The following USP24 variants were observed in gnomAD, a reference collection of about 807,000 sequenced individuals.
USP24 encodes ubiquitin carboxyl-terminal hydrolase 24.
A neutral mutation model predicts 361.6 loss-of-function variants in USP24; 97 were observed. The observed-to-expected ratio is 0.27, with a 90% CI of 0.23 to 0.32. The LOEUF (loss-of-function observed/expected upper bound fraction) is 0.32. USP24 is among the 10% of genes least tolerant of loss of function. USP24 has a pLI of 1.00. For missense variants in USP24, 2,353 were observed against 3,165.6 expected, an observed-to-expected ratio of 0.74 and a Z score of 6.16; for synonymous variants, 1,098 against 1,124.6, an observed-to-expected ratio of 0.98 and a Z score of 0.47.
intron 35 of USP24, among the ~76,000 whole-genome samples, chr1:55,123,969 T>C (rs1646354601): frequency 6.6e-6 from 1 of 152,218 alleles, no homozygotes; most frequent in Non-Finnish European, 1.5e-5. Context: ...TCATACACTT[T>C]ACTGTCTGCA....
Position 55,129,587 on chromosome 1 carries a change from T to TAA in USP24, c.3538-15_3538-14dup, listed in dbSNP as rs762701681. ...TGGAGCTTAGAACCTAGGGAACAGA[T>TAA]AAGCACAATTATTCATCCACACATT... On this transcript the variant is annotated splice_polypyrimidine_tract_variant and intron_variant, in intron 31 of 67. Coordinates refer to ENST00000294383, the MANE Select transcript of USP24 (RefSeq NM_015306.3). 3.1e-6 allele frequency: 5 copies of TAA among 1,605,336 alleles called. No homozygotes were observed. The highest frequency in any genetic ancestry group is 4.3e-6 in the Non-Finnish European group (5 of 1,173,144).
At chr1:55,123,628 C>T (rs1371889200) in intron 35 of USP24, 26 bp from the exon 36 acceptor site, 2 of 1,567,288 alleles carry the variant, frequency 1.3e-6, no homozygotes, top group South Asian at 1.2e-5. Flanking sequence ...CAGAAATTTA[C>T]TGTGGATCCT....
chr1:55,089,794 C>T (rs1645335023), intron 54 of USP24, 54 bp from the exon 55 acceptor site: 2 of 1,228,770 alleles, frequency 1.6e-6, no homozygotes, highest in Non-Finnish European at 2.3e-6. Flanking sequence ...AGCCAATGAC[C>T]TCATGCAGTG....
intron 56 of USP24, 93 bp from the exon 57 acceptor site, chr1:55,083,981 A>C: frequency 1.0e-6 from 1 of 1,002,502 alleles, no homozygotes; most frequent in South Asian, 1.5e-5. Context: ...CCATAAGAAC[A>C]AAAGGAAAGT....
At chr1:55,117,685 G>A (rs1298009900) in intron 38 of USP24, among the ~76,000 whole-genome samples, 3 of 137,066 alleles carry the variant, frequency 2.2e-5, no homozygotes, top group African/African-American at 8.0e-5. Flanking sequence ...GCAGTGAGCC[G>A]AGATTGCGCC....
At position 55,179,637 on chromosome 1, in the gene USP24, G is replaced by C. The variant is rs375044376; in HGVS notation, c.325-1505C>G. Among the ~76,000 whole-genome samples the C allele has an allele frequency of 2.0e-4, 30 of 152,252 alleles. No individual in the cohort carries two copies. The East Asian group carries it at 5.4e-3, about 27-fold the overall frequency. On this transcript the variant is annotated intron_variant, in intron 1 of 67. Transcript: ENST00000294383. ...CATCTAGTAGCATAGCCAGAAGCCA[G>C]GGGATCATTCTTAACATTTTGTTCT...
chr1:55,081,262 A>G, intron 59 of USP24, 60 bp downstream of exon 59: 1 of 1,494,440 alleles, frequency 6.7e-7, no homozygotes, highest in Non-Finnish European at 9.2e-7. Context: ...TTGCTAATAT[A>G]ATTACTCTCC....
chr1:55,099,281 G>A (rs1490641167), intron 45 of USP24, among the ~76,000 whole-genome samples: 1 of 152,218 alleles, frequency 6.6e-6, no homozygotes, highest in Non-Finnish European at 1.5e-5. Context: ...TCTAGGCCAG[G>A]CATGGTACCT....
chr1:55,084,027 T>C (rs1218700679), intron 56 of USP24, 139 bp from the exon 57 acceptor site: 20 of 679,786 alleles, frequency 2.9e-5, no homozygotes, highest in Non-Finnish European at 4.0e-5. Context: ...GATGGACTTA[T>C]GCTTTGAAGA....
At chr1:55,160,581 T>C (rs954618303) in intron 8 of USP24, among the ~76,000 whole-genome samples, 3 of 152,196 alleles carry the variant, frequency 2.0e-5, no homozygotes, top group Non-Finnish European at 4.4e-5. Context: ...GTAACATGTA[T>C]TATATGAGTT....
intron 1 of USP24, among the ~76,000 whole-genome samples, chr1:55,203,623 G>C (rs897027659): frequency 2.6e-5 from 4 of 152,182 alleles, no homozygotes; most frequent in African/African-American, 9.7e-5. Context: ...TGGACTGGGA[G>C]AATACAAGGT....
At chr1:55,152,361 T>C (rs1268345480) in intron 16 of USP24, among the ~76,000 whole-genome samples, 2 of 152,166 alleles carry the variant, frequency 1.3e-5, no homozygotes, top group African/African-American at 4.8e-5. Context: ...TGCAACTGAC[T>C]AGAAAAGCTA....
At chr1:55,145,921 G>T in intron 20 of USP24, 77 bp downstream of exon 20, 1 of 1,042,736 alleles carries the variant, frequency 9.6e-7, no homozygotes, top group Non-Finnish European at 1.4e-6. Flanking sequence ...TTCTGAGAAG[G>T]AGGATTAAAA....
In USP24 at chr1:55,106,171, TGGC is replaced by T. The variant is rs1557566346; in HGVS notation, c.4852_4854del (p.Ala1618del). ...TTTGGATGAAAGTCCTGTTGACTGA[TGGC>T]GGCACTGCCAGCTGGAGAATGACTA... On this transcript the variant is annotated inframe_deletion, in exon 41 of 68. Coordinates refer to ENST00000294383, the MANE Select transcript of USP24 (RefSeq NM_015306.3). 1 of 1,613,858 alleles carries T rather than the reference TGGC, an allele frequency of 6.2e-7. No individual in the cohort carries two copies. The highest frequency in any genetic ancestry group is 1.1e-5 in the South Asian group (1 of 91,064).
chr1:55,099,730 A>C (rs1385854044), intron 45 of USP24, 41 bp downstream of exon 45: 12 of 1,373,694 alleles, frequency 8.7e-6, no homozygotes, highest in Non-Finnish European at 9.1e-6. Flanking sequence ...TACTATAATT[A>C]GAGTTTGAGG....
At chr1:55,163,648 G>C (rs1190260037) in intron 7 of USP24, among the ~76,000 whole-genome samples, 1 of 151,700 alleles carries the variant, frequency 6.6e-6, no homozygotes, top group Non-Finnish European at 1.5e-5. Flanking sequence ...AGTACTGATG[G>C]GCAAAAAAGC....
intron 10 of USP24, 128 bp from the exon 11 acceptor site, chr1:55,157,498 A>T (rs910365098): frequency 1.8e-6 from 1 of 547,394 alleles, no homozygotes; most frequent in Non-Finnish European, 3.1e-6. Context: ...AAGGCCAGTT[A>T]TAAGAAGTTA....
Position 55,214,868 on chromosome 1 carries a change from G to T in USP24, c.246C>A (p.Gly82=). 8.4e-7 allele frequency: 1 copy of T among 1,191,922 alleles called. No homozygotes were observed. Among genetic ancestry groups the T allele is most frequent in the African/African-American group, 1.7e-5 (1 of 58,728 alleles). The allele number at this position is 1,191,922 out of a possible 1,614,324, so 73.8% of individuals were successfully genotyped here. Residue 82 remains glycine, a synonymous_variant, in exon 1 of 68, where the codon GGC becomes GGA. Coordinates refer to ENST00000294383, the MANE Select transcript of USP24 (RefSeq NM_015306.3). The part of the protein sequence containing the change: ...GDGGGDGGGG[G]PSRGGSTGGG... ...CTCCGGTGCTCCCGCCGCGGGAGGG[G>T]CCGCCGCCGCCGCCGTCACCTCCGC...
intron 40 of USP24, among the ~76,000 whole-genome samples, chr1:55,106,737 G>C (rs1645784330): frequency 6.6e-6 from 1 of 152,050 alleles, no homozygotes; most frequent in Non-Finnish European, 1.5e-5. Context: ...TGTAAAGCTT[G>C]GTTTGTGTTA....
Sources: gnomAD v4.1 joint callset for allele counts (sites outside exome capture counted in the v4.1 genomes callset) on GRCh38, gnomAD v4.1.1 for gene constraint, MANE v1.5 for transcripts, NCBI Gene and HGNC (gene_info 2026-07-23, HGNC 2026-07-21) for gene names.